The following NCF4 variants were observed in gnomAD, a reference collection of about 807,000 sequenced individuals.
The protein encoded by NCF4 is neutrophil cytosolic factor 4.
In NCF4, 30 loss-of-function variants were observed where a neutral mutation model predicts 41.7. The observed-to-expected ratio is 0.72, with a 90% CI of 0.54 to 0.97. The LOEUF (loss-of-function observed/expected upper bound fraction) is 0.97. NCF4 is among the 50% of genes least tolerant of loss of function. NCF4 has a pLI of 0.00. For synonymous variants in NCF4, 195 were observed against 175.8 expected, an observed-to-expected ratio of 1.11 and a Z score of -0.87; for missense variants, 432 against 460.9, an observed-to-expected ratio of 0.94 and a Z score of 0.57.
intron 5 of NCF4, 149 bp downstream of exon 5, chr22:36,870,691 A>G (rs1940036204): frequency 1.7e-6 from 2 of 1,171,462 alleles, no homozygotes; most frequent in Non-Finnish European, 2.4e-6. Flanking sequence ...AGATGGGTTT[A>G]GAAAGTCATG....
In NCF4 at chr22:36,865,418, C is replaced by G. The variant is rs937246351; in HGVS notation, c.271+346C>G. On this transcript the variant is annotated intron_variant, in intron 3 of 9. Coordinates refer to ENST00000248899, the MANE Select transcript of NCF4 (RefSeq NM_000631.5). This position sits in a 1 kb window ranked among gnomAD's most constrained non-coding sequence, Gnocchi z 4.3. ...GGAATCCCCCAGTCTGGTCCCTAAA[C>G]ACACTGACTCACCTCCCTGCCCACC... Among the ~76,000 whole-genome samples, 4 of 152,128 alleles carry G rather than the reference C, an allele frequency of 2.6e-5. No individual in the cohort carries two copies. The highest frequency in any genetic ancestry group is 5.9e-5 in the Non-Finnish European group (4 of 68,002).
At chr22:36,866,358 A>G (rs1232831179) in intron 3 of NCF4, among the ~76,000 whole-genome samples, 1 of 151,782 alleles carries the variant, frequency 6.6e-6, no homozygotes, top group Non-Finnish European at 1.5e-5. Flanking sequence ...TCCTCTGTTA[A>G]GCTTTCTCCA....
intron 3 of NCF4, among the ~76,000 whole-genome samples, chr22:36,866,999 C>G (rs1050956793): frequency 6.6e-6 from 1 of 152,044 alleles, no homozygotes; most frequent in Non-Finnish European, 1.5e-5. Context: ...GAGATATTTA[C>G]AAGCTCCTTG....
chr22:36,862,917 G>A (rs1382279917), intron 1 of NCF4, among the ~76,000 whole-genome samples: 1 of 152,206 alleles, frequency 6.6e-6, no homozygotes, highest in East Asian at 1.9e-4. Context: ...TTCCAACCTC[G>A]GCCTCCCCCA....
At chr22:36,872,924 CTGGAGGTGAGGA>C (rs1940106369) in intron 7 of NCF4, among the ~76,000 whole-genome samples, 3 of 49,556 alleles carry the variant, frequency 6.1e-5, no homozygotes, top group African/African-American at 8.9e-5. Context: ...GGAGGTGAGA[CTGGAGGTGAGGA>C]TGGAGGTGAG....
In NCF4 at chr22:36,875,839, C is replaced by T; in HGVS notation, c.758+56C>T. ...AGCCTTCCTGCCATCCCTACGACCA[C>T]TGCCCCTCACATCACCTTCTCATGG... On this transcript the variant is annotated intron_variant, in intron 8 of 9. Transcript: ENST00000248899. 4 of 1,614,090 alleles carry T rather than the reference C, an allele frequency of 2.5e-6. No homozygotes were observed. In the East Asian group the frequency reaches 6.7e-5, roughly 27 times the overall value.
In NCF4 at chr22:36,865,129, G is replaced by A. The variant is rs1288953150; in HGVS notation, c.271+57G>A. On this transcript the variant is annotated intron_variant, in intron 3 of 9. Transcript: ENST00000248899. This position sits in a 1 kb window ranked among gnomAD's most constrained non-coding sequence, Gnocchi z 4.3. ...AGCTGCTGACTCTCCTTCCTTCCAGGGCCCCTGACACTGTTCTGTGATTTG... is the reference window on the plus strand; with the variant it reads ...AGCTGCTGACTCTCCTTCCTTCCAGAGCCCCTGACACTGTTCTGTGATTTG... 6.3e-7 allele frequency: 1 copy of A among 1,592,958 alleles called. No individual in the cohort carries two copies. The highest frequency in any genetic ancestry group is 1.1e-5 in the South Asian group (1 of 90,774).
At chr22:36,867,547 T>G in intron 4 of NCF4, 85 bp downstream of exon 4, 1 of 1,451,914 alleles carries the variant, frequency 6.9e-7, no homozygotes. Context: ...GGGTATGGCT[T>G]TGGGAACTGG....
intron 7 of NCF4, among the ~76,000 whole-genome samples, chr22:36,875,051 C>G (rs914939338): frequency 1.3e-5 from 2 of 152,138 alleles, no homozygotes; most frequent in African/African-American, 4.8e-5. Flanking sequence ...TTCTTTGAGA[C>G]AGAGTTTCAC....
chr22:36,869,801 C>A (rs534585145), intron 4 of NCF4, among the ~76,000 whole-genome samples: 184 of 152,318 alleles, frequency 1.2e-3, no homozygotes, highest in Non-Finnish European at 1.6e-3. Context: ...CAGGTACTTT[C>A]CCTCTCCAAG....
intron 4 of NCF4, among the ~76,000 whole-genome samples, chr22:36,867,934 T>C (rs1373821095): frequency 1.3e-5 from 2 of 152,228 alleles, no homozygotes; most frequent in African/African-American, 4.8e-5. Context: ...AGGCCTCCTC[T>C]GGGACAACTC....
intron 5 of NCF4, 50 bp from the exon 6 acceptor site, chr22:36,871,602 G>A (rs1735870269): frequency 1.3e-6 from 2 of 1,542,240 alleles, no homozygotes; most frequent in African/African-American, 2.7e-5. Context: ...GCAGGAAGCT[G>A]GGCCCTGAGA....
intron 7 of NCF4, among the ~76,000 whole-genome samples, chr22:36,872,900 T>G (rs906333550): frequency 2.6e-4 from 25 of 96,272 alleles, no homozygotes; most frequent in East Asian, 1.0e-3. Flanking sequence ...GGAGGTGAGA[T>G]TGGAGGTGAG....
At position 36,864,030 on chromosome 22, in the gene NCF4, C is replaced by T. The variant is rs1939854234; in HGVS notation, c.33-15C>T. ...AGGGTGATAAGCAGGATCTCTTTTCCCCTCCTTCGCACAGTGACTTTGAAC... is the reference window on the plus strand; with the variant it reads ...AGGGTGATAAGCAGGATCTCTTTTCTCCTCCTTCGCACAGTGACTTTGAAC... On this transcript the variant is annotated splice_polypyrimidine_tract_variant and intron_variant, in intron 1 of 9. Coordinates refer to ENST00000248899, the MANE Select transcript of NCF4 (RefSeq NM_000631.5). 1 of 1,612,446 alleles carries T rather than the reference C, an allele frequency of 6.2e-7. No individual in the cohort carries two copies. The highest frequency in any genetic ancestry group is 8.5e-7 in the Non-Finnish European group (1 of 1,178,478).
At chr22:36,872,106 C>CCCA in intron 6 of NCF4, 1 of 709,884 alleles carries the variant, frequency 1.4e-6, no homozygotes, top group Middle Eastern at 3.6e-4. Context: ...TGTGCTCACC[C>CCCA]CCACCAGGTT....
intron 8 of NCF4, 102 bp from the exon 9 acceptor site, chr22:36,875,927 A>C (rs776230121): frequency 6.2e-7 from 1 of 1,614,038 alleles, no homozygotes; most frequent in Non-Finnish European, 8.5e-7. Flanking sequence ...GTAACAAGCC[A>C]TCAACGTCCA....
Position 36,866,025 on chromosome 22 carries a change from T to C in NCF4, c.271+953T>C, listed in dbSNP as rs142960734. On this transcript the variant is annotated intron_variant, in intron 3 of 9. Coordinates refer to ENST00000248899, the MANE Select transcript of NCF4 (RefSeq NM_000631.5). ...CCTTTTCCTTGTATATTCATCTTCC[T>C]CTTGATATACCAACTCCCTCTGCTA... Among the ~76,000 whole-genome samples the C allele has an allele frequency of 2.6e-5, 4 of 152,210 alleles. No individual in the cohort carries two copies. The East Asian group carries it at 7.7e-4, about 29-fold the overall frequency.
chr22:36,871,397 T>C (rs1410917739), intron 5 of NCF4, among the ~76,000 whole-genome samples: 1 of 152,254 alleles, frequency 6.6e-6, no homozygotes, highest in African/African-American at 2.4e-5. Context: ...AATGAGCGTG[T>C]ATCCCCTTCC....
chr22:36,872,447 G>C (rs1305885476), intron 7 of NCF4, 22 bp downstream of exon 7: 6 of 1,543,460 alleles, frequency 3.9e-6, no homozygotes, highest in Non-Finnish European at 5.3e-6. Context: ...AGTGAGGATG[G>C]AGGTGAGATT....
Sources: gnomAD v4.1 joint callset for allele counts (sites outside exome capture counted in the v4.1 genomes callset) on GRCh38, gnomAD v4.1.1 for gene constraint, Gnocchi (gnomAD v3.1) non-coding constraint, MANE v1.5 for transcripts, NCBI Gene and HGNC (gene_info 2026-07-23, HGNC 2026-07-21) for gene names.